The following TCAIM variants were observed in gnomAD, a reference collection of about 807,000 sequenced individuals.
TCAIM encodes T cell activation inhibitor, mitochondrial.
In TCAIM, 36 loss-of-function variants were observed where a neutral mutation model predicts 58.6. That is an observed-to-expected ratio of 0.61 (90% CI 0.47 to 0.81). The LOEUF (loss-of-function observed/expected upper bound fraction) is 0.81, where lower values mean the gene tolerates loss of function less well. Ranked by LOEUF, TCAIM falls within the 30% of genes least tolerant of loss-of-function variation. TCAIM has a pLI of 0.00. For synonymous variants in TCAIM, 172 were observed against 193.6 expected (o/e 0.89, Z 0.93); for missense variants, 466 against 579.6 (o/e 0.80, Z 2.01).
chr3:44,400,487 G>T lies in TCAIM; in HGVS notation c.1018G>T (p.Glu340Ter). ...EELQPVLTLE[E>*]YYSLLDVFYN... is the part of the protein sequence containing the mutation. Reference sequence around the variant, plus strand: ...ATTACAGCCAGTATTGACACTTGAAGAATATTACTCTCTTCTTGATGTGTT... The same window carrying T: ...ATTACAGCCAGTATTGACACTTGAATAATATTACTCTCTTCTTGATGTGTT... Residue 340 changes from glutamate to a stop codon, truncating the protein, a stop_gained, in exon 9 of 11, where the codon GAA becomes TAA. Transcript: ENST00000342649. LOFTEE classifies it high-confidence loss of function. The T allele has an allele frequency of 6.2e-7, 1 of 1,613,696 alleles. No individual in the cohort carries two copies. Among genetic ancestry groups the T allele is most frequent in the Non-Finnish European group, 8.5e-7 (1 of 1,179,788 alleles).
intron 5 of TCAIM, among the ~76,000 whole-genome samples, chr3:44,385,810 G>T (rs1701730254): frequency 6.6e-6 from 1 of 152,034 alleles, no homozygotes; most frequent in Non-Finnish European, 1.5e-5. Flanking sequence ...GCATTGATTT[G>T]ATCAAAATTC....
chr3:44,378,643 C>A (rs562017203), intron 5 of TCAIM, among the ~76,000 whole-genome samples: 1 of 151,942 alleles, frequency 6.6e-6, no homozygotes, highest in African/African-American at 2.4e-5. Context: ...AAACCCCATG[C>A]TCCTAAAAAT....
At chr3:44,346,219 C>G (rs1278805638) in intron 1 of TCAIM, among the ~76,000 whole-genome samples, 1 of 152,098 alleles carries the variant, frequency 6.6e-6, no homozygotes, top group Non-Finnish European at 1.5e-5. Flanking sequence ...GGGGAAGGTT[C>G]TACTGAATAC....
At chr3:44,386,407 G>A (rs570214393) in intron 5 of TCAIM, among the ~76,000 whole-genome samples, 46 of 152,272 alleles carry the variant, frequency 3.0e-4, no homozygotes, top group Middle Eastern at 3.4e-3. Flanking sequence ...CCGGGGCTGC[G>A]TGCTCTACAG....
intron 4 of TCAIM, among the ~76,000 whole-genome samples, chr3:44,366,962 C>T (rs761423437): frequency 4.6e-5 from 7 of 152,128 alleles, no homozygotes; most frequent in Non-Finnish European, 7.4e-5. Context: ...AGTATGAGGA[C>T]CATCTCCTTC....
chr3:44,379,362 CT>C (rs1299834929), intron 5 of TCAIM, among the ~76,000 whole-genome samples: 2 of 152,132 alleles, frequency 1.3e-5, no homozygotes, highest in Non-Finnish European at 2.9e-5. Flanking sequence ...AGTAATCTCA[CT>C]ACGGGGTTTA....
At chr3:44,338,187 C>T, upstream of TCAIM, 1 of 152,580 alleles carries the variant, frequency 6.6e-6, no homozygotes. Context: ...TTCTCCGTTC[C>T]TTGCAGGCCC....
chr3:44,383,728 T>G (rs1004626383), intron 5 of TCAIM, among the ~76,000 whole-genome samples: 2 of 145,890 alleles, frequency 1.4e-5, no homozygotes, highest in Non-Finnish European at 3.0e-5. Context: ...ATCCCAGCAC[T>G]TTGGGAGGCT....
chr3:44,370,854 G>A (rs1258701293), intron 5 of TCAIM, among the ~76,000 whole-genome samples: 6 of 148,718 alleles, frequency 4.0e-5, no homozygotes, highest in Non-Finnish European at 8.9e-5. Flanking sequence ...TGATCCTCCC[G>A]CCTCAGCCTT....
chr3:44,395,977 ACT>A (rs915273510), intron 6 of TCAIM, among the ~76,000 whole-genome samples: 9 of 152,330 alleles, frequency 5.9e-5, no homozygotes, highest in East Asian at 1.9e-4. Context: ...ACAGAGTGAG[ACT>A]CTGTCTCAAA....
intron 1 of TCAIM, among the ~76,000 whole-genome samples, chr3:44,354,097 A>G (rs1701146339): frequency 6.6e-6 from 1 of 152,196 alleles, no homozygotes; most frequent in Admixed American, 6.5e-5. Context: ...TTTGTGAACA[A>G]TGTAAGGTCT....
chr3:44,358,790 G>A, intron 3 of TCAIM: 3 of 985,302 alleles, frequency 3.0e-6, no homozygotes, highest in Non-Finnish European at 3.6e-6. Flanking sequence ...CATTAACACT[G>A]ATATCTAGTT....
rs1052029183 is a variant in TCAIM, at chr3:44,408,068, T to C, written c.*386T>C. ...AAAAAGATTTTATATCCCAGTCTTATGATGTTGGTTGGCAAGGCTAGATAA... is the reference window on the plus strand; with the variant it reads ...AAAAAGATTTTATATCCCAGTCTTACGATGTTGGTTGGCAAGGCTAGATAA... On this transcript the variant is annotated 3_prime_UTR_variant, in exon 11 of 11. Coordinates refer to ENST00000342649, the MANE Select transcript of TCAIM (RefSeq NM_173826.4). The C allele has an allele frequency of 2.0e-5, 3 of 152,842 alleles. No individual in the cohort carries two copies. Among genetic ancestry groups the C allele is most frequent in the Non-Finnish European group, 2.9e-5 (2 of 68,538 alleles). 9.5% of individuals were successfully genotyped at this position (152,842 alleles called of 1,614,324 possible).
intron 3 of TCAIM, chr3:44,359,077 T>C: frequency 4.1e-6 from 4 of 983,188 alleles, no homozygotes; most frequent in Non-Finnish European, 2.4e-6. Flanking sequence ...TCTACCAATG[T>C]ATTTTTTTTA....
At position 44,361,254 on chromosome 3, in the gene TCAIM, A is replaced by G. The variant is rs1701290784; in HGVS notation, c.166-111A>G. 3.2e-6 allele frequency: 3 copies of G among 950,310 alleles called. No homozygotes were observed. In the South Asian group the frequency reaches 9.1e-5, roughly 29 times the overall value. 58.9% of individuals were successfully genotyped at this position (950,310 alleles called of 1,614,324 possible). On this transcript the variant is annotated intron_variant, in intron 3 of 10. Transcript: ENST00000342649. Reference sequence around the variant, plus strand: ...AGAGCTATGAAATCCCAACATTTTTAAATACTAAATTATTTAATACTCTCA... The same window carrying G: ...AGAGCTATGAAATCCCAACATTTTTGAATACTAAATTATTTAATACTCTCA...
intron 9 of TCAIM, 56 bp downstream of exon 9, chr3:44,400,643 G>A (rs1702008830): frequency 7.1e-7 from 1 of 1,411,430 alleles, no homozygotes; most frequent in South Asian, 1.2e-5. Flanking sequence ...TGGGTTGTGT[G>A]TGTAAATGCA....
chr3:44,385,330 T>C (rs1701721273), intron 5 of TCAIM, among the ~76,000 whole-genome samples: 1 of 152,240 alleles, frequency 6.6e-6, no homozygotes, highest in South Asian at 2.1e-4. Flanking sequence ...CTCACTTTAC[T>C]GTAGATGCTT....
At chr3:44,357,326 A>T (rs1343610889) in intron 2 of TCAIM, among the ~76,000 whole-genome samples, 1 of 151,984 alleles carries the variant, frequency 6.6e-6, no homozygotes, top group Non-Finnish European at 1.5e-5. Context: ...AGCCTGGGCA[A>T]CAAAGCAAGA....
chr3:44,358,184 A>G (rs1559564112), intron 3 of TCAIM: 4 of 1,558,814 alleles, frequency 2.6e-6, no homozygotes, highest in Non-Finnish European at 3.4e-6. Flanking sequence ...CTTTATTATC[A>G]TGATCAATCT....
Sources: allele counts gnomAD v4.1 joint callset (sites outside exome capture counted in the v4.1 genomes callset), GRCh38; gene constraint gnomAD v4.1.1; transcripts MANE v1.5; gene names NCBI Gene and HGNC (gene_info 2026-07-23, HGNC 2026-07-21).